Variants in ANK2 observed in about 807,000 individuals in gnomAD.
ANK2 encodes ankyrin 2.
In ANK2, 83 loss-of-function variants were observed where a neutral mutation model predicts 360.5. That is an observed-to-expected ratio of 0.23 (90% CI 0.19 to 0.28). ANK2 has a LOEUF of 0.28. Ranked by LOEUF, ANK2 falls within the 10% of genes least tolerant of loss-of-function variation. The pLI, the probability that ANK2 is intolerant of heterozygous loss-of-function variation, is 1.00. For synonymous variants in ANK2, 1,740 were observed against 1,759.5 expected, an observed-to-expected ratio of 0.99 and a Z score of 0.28; for missense variants, 4,201 against 4,795.7, an observed-to-expected ratio of 0.88 and a Z score of 3.66.
chr4:113,064,756 A>AGAGTT (rs2074990692), intron 1 of ANK2, among the ~76,000 whole-genome samples: 2 of 149,918 alleles, frequency 1.3e-5, no homozygotes, highest in African/African-American at 4.9e-5. Context: ...CAAAAATGTT[A>AGAGTT]GAAAGTTCTG....
In ANK2 at chr4:113,264,898, G is replaced by A. The variant is rs1420771855; in HGVS notation, c.1388G>A (p.Arg463His). ...NGASPDVTNI[R>H]GETALHMAAR... ...TTGACGATCTTTGTTCCCTGGCAGC[G>A]TGGTGAGACGGCACTACACATGGCA... Residue 463 changes from arginine (R) to histidine (H), a missense_variant and splice_region_variant, in exon 14 of 46, where the codon CGT (arginine) becomes CAT (histidine). By Grantham distance (29) the Arg-to-His change is conservative. Transcript: ENST00000357077. The A allele has an allele frequency of 4.5e-6, 7 of 1,560,720 alleles. No individual in the cohort carries two copies. The highest frequency in any genetic ancestry group is 1.9e-5 in the Admixed American group (1 of 52,014).
intron 14 of ANK2, among the ~76,000 whole-genome samples, chr4:113,271,267 C>T (rs1443070519): frequency 6.6e-6 from 1 of 152,186 alleles, no homozygotes; most frequent in Non-Finnish European, 1.5e-5. Context: ...AGCTTGGGCT[C>T]ATGCGCATTC....
rs45602336 is a variant in ANK2, at chr4:113,369,733, C to G, written c.11538C>G (p.Leu3846=). ...REESSPRKTS[L]VIVESADNQP... ...AGAGCTCTCCGCGGAAAACCAGCCTCGTAATAGTGGAGTCTGCCGATAACC... is the reference window on the plus strand; with the variant it reads ...AGAGCTCTCCGCGGAAAACCAGCCTGGTAATAGTGGAGTCTGCCGATAACC... The change falls in exon 43 of 46, where the codon CTC becomes CTG. Residue 3846 remains leucine, a synonymous_variant. Coordinates refer to ENST00000357077, the MANE Select transcript of ANK2 (RefSeq NM_001148.6). 6.2e-7 allele frequency: 1 copy of G among 1,614,126 alleles called. No homozygotes were observed. Among genetic ancestry groups the G allele is most frequent in the Non-Finnish European group, 8.5e-7 (1 of 1,180,012 alleles).
At chr4:112,917,654 C>A (rs926311752) in intron 2 of ANK2, among the ~76,000 whole-genome samples, 1 of 152,152 alleles carries the variant, frequency 6.6e-6, no homozygotes, top group Non-Finnish European at 1.5e-5. Flanking sequence ...AGCATTGAAT[C>A]CTTACTTTGT....
At chr4:112,707,333 T>C in the ANK2 span, among the ~76,000 whole-genome samples, 1 of 152,230 alleles carries the variant, frequency 6.6e-6, no homozygotes, top group Non-Finnish European at 1.5e-5. Flanking sequence ...AGTGTTATAT[T>C]AGGGACAACC....
chr4:112,742,611 G>A, the ANK2 span, among the ~76,000 whole-genome samples: 1 of 152,132 alleles, frequency 6.6e-6, no homozygotes, highest in African/African-American at 2.4e-5. Context: ...CTTTTTAAAA[G>A]AAAGTAAAAC....
At chr4:112,752,774 T>C in the ANK2 span, among the ~76,000 whole-genome samples, 3 of 152,264 alleles carry the variant, frequency 2.0e-5, no homozygotes, top group African/African-American at 7.2e-5. Context: ...CAAATGATCC[T>C]CCTGTCTCAG....
chr4:112,737,199 A>T, the ANK2 span, among the ~76,000 whole-genome samples: 1 of 152,242 alleles, frequency 6.6e-6, no homozygotes, highest in Admixed American at 6.5e-5. Context: ...GCACATAGTA[A>T]ATAGTTCATA....
intron 2 of ANK2, among the ~76,000 whole-genome samples, chr4:112,925,689 A>C (rs2092445877): frequency 6.6e-6 from 1 of 152,228 alleles, no homozygotes; most frequent in Admixed American, 6.5e-5. Flanking sequence ...ACTTGAATGG[A>C]ATAAACTTGG....
chr4:113,187,346 A>G (rs150120323), intron 2 of ANK2, among the ~76,000 whole-genome samples: 98 of 152,328 alleles, frequency 6.4e-4, no homozygotes, highest in African/African-American at 2.3e-3. Flanking sequence ...TTCTCATCCA[A>G]AGTAACCTCA....
At chr4:113,333,255 G>C (rs1402180180) in intron 29 of ANK2, 47 bp downstream of exon 29, 3 of 1,608,540 alleles carry the variant, frequency 1.9e-6, no homozygotes, top group Non-Finnish European at 2.6e-6. Flanking sequence ...CTGGAAGCAT[G>C]AAAATGATTC....
intron 1 of ANK2, among the ~76,000 whole-genome samples, chr4:113,089,423 A>T (rs2086587893): frequency 6.6e-6 from 1 of 152,238 alleles, no homozygotes; most frequent in South Asian, 2.1e-4. Flanking sequence ...GGTAATGAGC[A>T]TGGAGATGCT....
intron 2 of ANK2, among the ~76,000 whole-genome samples, chr4:112,998,295 C>G (rs922238539): frequency 6.6e-6 from 1 of 152,032 alleles, no homozygotes; most frequent in Non-Finnish European, 1.5e-5. Context: ...ACCCACTGGG[C>G]CCTTAGGGTA....
intron 40 of ANK2, among the ~76,000 whole-genome samples, chr4:113,363,990 G>A (rs10212670): frequency 0.28 from 42,108 of 152,082 alleles, 8,755 homozygotes; most frequent in African/African-American, 0.59. Flanking sequence ...AGAGTCCATG[G>A]TAATTACACA....
chr4:113,351,187 A>C (rs765383854), intron 37 of ANK2, among the ~76,000 whole-genome samples: 55 of 152,298 alleles, frequency 3.6e-4, no homozygotes, highest in Non-Finnish European at 6.5e-4. Flanking sequence ...AATATCAATA[A>C]ACTTTATTTC....
chr4:112,819,845 A>G (rs11728431), intron 1 of ANK2, among the ~76,000 whole-genome samples: 14,866 of 152,148 alleles, frequency 0.098, 1,053 homozygotes, highest in African/African-American at 0.2. Flanking sequence ...TTTGTTAGCC[A>G]TTTCTTGTAG....
chr4:113,174,304 A>T, intron 1 of ANK2, 112 bp from the exon 2 acceptor site: 12 of 857,472 alleles, frequency 1.4e-5, no homozygotes, highest in Non-Finnish European at 2.3e-5. Flanking sequence ...TATTATTGAA[A>T]TTTTTCCAAC....
intron 4 of ANK2, among the ~76,000 whole-genome samples, chr4:113,215,291 C>G (rs2099073370): frequency 6.6e-6 from 1 of 152,060 alleles, no homozygotes; most frequent in Non-Finnish European, 1.5e-5. Context: ...GACTCCATTC[C>G]CCATCTGTAA....
intron 7 of ANK2, among the ~76,000 whole-genome samples, chr4:113,238,921 T>A (rs1367182120): frequency 6.6e-6 from 1 of 152,130 alleles, no homozygotes; most frequent in East Asian, 1.9e-4. Flanking sequence ...GCAAATGATA[T>A]TACTATATTT....
Sources: allele counts gnomAD v4.1 joint callset (sites outside exome capture counted in the v4.1 genomes callset), GRCh38; gene constraint gnomAD v4.1.1; transcripts MANE v1.5; gene names NCBI Gene and HGNC (gene_info 2026-07-23, HGNC 2026-07-21).